Variants in S100A8 observed in about 807,000 individuals in gnomAD.
S100A8 encodes the protein protein S100-A8.
In S100A8, 1 loss-of-function variant was observed where a neutral mutation model predicts 4.2. The observed-to-expected ratio is 0.24, with a 90% confidence interval of 0.08 to 1.12. S100A8 has a LOEUF of 1.12. S100A8 is among the 50% of genes most tolerant of loss of function. The pLI is 0.53. For missense variants in S100A8, 96 were observed against 111.8 expected (o/e 0.86, Z 0.64); for synonymous variants, 41 against 44.7 (o/e 0.92, Z 0.33).
chr1:153,417,166 C>T, the S100A8 span: 1 of 152,334 alleles, frequency 6.6e-6, no homozygotes, highest in African/African-American at 2.4e-5. Flanking sequence ...TAGCCAAGGT[C>T]CTTTTCTGGT....
chr1:153,403,856 G>A, the S100A8 span, among the ~76,000 whole-genome samples: 8 of 151,940 alleles, frequency 5.3e-5, no homozygotes, highest in African/African-American at 1.5e-4. Flanking sequence ...GTGCAATTCC[G>A]TTCTGATCCT....
At chr1:153,418,144 C>A in the S100A8 span, 32 of 1,613,954 alleles carry the variant, frequency 2.0e-5, no homozygotes, top group Middle Eastern at 3.3e-4. Flanking sequence ...CACAAATACA[C>A]CGGACGTGAT....
the S100A8 span, among the ~76,000 whole-genome samples, chr1:153,396,292 G>A: frequency 1.3e-5 from 2 of 152,274 alleles, no homozygotes; most frequent in East Asian, 1.9e-4. Flanking sequence ...GCTCCCTGGA[G>A]GCAAGGGCTA....
At chr1:153,418,107 T>C in the S100A8 span, 4 of 1,613,970 alleles carry the variant, frequency 2.5e-6, no homozygotes, top group African/African-American at 2.7e-5. Context: ...AGCTGAGAGG[T>C]CCATAATAGG....
chr1:153,401,536 C>T, the S100A8 span, among the ~76,000 whole-genome samples: 1 of 152,188 alleles, frequency 6.6e-6, no homozygotes, highest in African/African-American at 2.4e-5. Flanking sequence ...TTGACAAACA[C>T]AGTCTTCATG....
the S100A8 span, among the ~76,000 whole-genome samples, chr1:153,414,275 T>C: frequency 9.5e-4 from 145 of 152,356 alleles, no homozygotes; most frequent in African/African-American, 3.3e-3. Flanking sequence ...TCTTTAAAAT[T>C]TAACATTTCT....
chr1:153,418,193 G>C, the S100A8 span: 1 of 1,614,026 alleles, frequency 6.2e-7, no homozygotes, highest in Non-Finnish European at 8.5e-7. Context: ...CGATGATGAA[G>C]GAGAACTTCC....
At chr1:153,417,926 C>T in the S100A8 span, 89 of 994,388 alleles carry the variant, frequency 9.0e-5, no homozygotes, top group Non-Finnish European at 1.1e-4. Context: ...CAACTTATCC[C>T]ATCACATTTA....
At chr1:153,421,826 T>G in the S100A8 span, 4 of 152,226 alleles carry the variant, frequency 2.6e-5, no homozygotes, top group Non-Finnish European at 5.9e-5. Context: ...CCTGATAATA[T>G]TCCGTCCAAT....
the S100A8 span, chr1:153,422,279 T>G: frequency 6.5e-6 from 1 of 153,286 alleles, no homozygotes; most frequent in South Asian, 2.1e-4. Context: ...TCATCCAATA[T>G]TCCTTCGAAA....
the S100A8 span, among the ~76,000 whole-genome samples, chr1:153,398,623 T>C: frequency 6.6e-6 from 1 of 152,164 alleles, no homozygotes; most frequent in Non-Finnish European, 1.5e-5. Context: ...TGAGACAAGA[T>C]CACCCTGTCA....
At chr1:153,401,737 C>T in the S100A8 span, among the ~76,000 whole-genome samples, 3 of 152,134 alleles carry the variant, frequency 2.0e-5, no homozygotes, top group African/African-American at 7.2e-5. Context: ...ATACTTCAAG[C>T]AGGATAATAT....
the S100A8 span, among the ~76,000 whole-genome samples, chr1:153,413,954 T>C: frequency 6.6e-6 from 1 of 152,332 alleles, no homozygotes; most frequent in East Asian, 1.9e-4. Context: ...TGCATCTTGG[T>C]GACTTGCACA....
chr1:153,417,912 T>A, the S100A8 span: 1 of 958,484 alleles, frequency 1.0e-6, no homozygotes, highest in Non-Finnish European at 1.5e-6. Context: ...CTCTCATTTT[T>A]GAACAACTTA....
intron 1 of S100A8, 147 bp downstream of exon 1, chr1:153,390,894 C>A (rs997870399): frequency 2.8e-5 from 14 of 503,072 alleles, no homozygotes; most frequent in Non-Finnish European, 3.2e-5. Context: ...CCTTCCTTAT[C>A]CCTGCCTCAC....
chr1:153,399,123 C>T, the S100A8 span, among the ~76,000 whole-genome samples: 1 of 152,204 alleles, frequency 6.6e-6, no homozygotes, highest in African/African-American at 2.4e-5. Flanking sequence ...ACAGATCCAG[C>T]CTGTAGTTGA....
chr1:153,410,210 T>C, the S100A8 span, among the ~76,000 whole-genome samples: 21 of 151,828 alleles, frequency 1.4e-4, no homozygotes, highest in Admixed American at 1.4e-3. Context: ...TTGAAAAGAT[T>C]AACAAAATTG....
chr1:153,405,450 T>G, the S100A8 span, among the ~76,000 whole-genome samples: 2 of 151,084 alleles, frequency 1.3e-5, no homozygotes, highest in Non-Finnish European at 3.0e-5. Context: ...CCTAACCACC[T>G]GACCGCAAGG....
At chr1:153,390,966 G>A in intron 1 of S100A8, 75 bp downstream of exon 1, 1 of 965,142 alleles carries the variant, frequency 1.0e-6, no homozygotes, top group Non-Finnish European at 1.2e-6. Flanking sequence ...CCTCTCTCAG[G>A]AAGGCTGCTC....
Sources: gnomAD v4.1 joint callset for allele counts (sites outside exome capture counted in the v4.1 genomes callset) on GRCh38, gnomAD v4.1.1 for gene constraint, MANE v1.5 for transcripts, NCBI Gene and HGNC (gene_info 2026-07-23, HGNC 2026-07-21) for gene names.